The following DEF6 variants were observed in gnomAD, a reference collection of about 807,000 sequenced individuals.
DEF6 encodes DEF6 guanine nucleotide exchange factor, also known as differentially expressed in FDCP 6 homolog.
In DEF6, 32 loss-of-function variants were observed where a neutral mutation model predicts 80.5. The observed-to-expected ratio is 0.40, with a 90% CI of 0.30 to 0.53. DEF6 has a LOEUF of 0.53. DEF6 is among the 20% of genes least tolerant of loss of function. DEF6 has a pLI of 0.57. For synonymous variants in DEF6, 300 were observed against 337.9 expected (o/e 0.89, Z 1.23); for missense variants, 575 against 818.7 (o/e 0.70, Z 3.63).
chr6:35,321,615 G>A lies in DEF6; in HGVS notation c.*205G>A. On this transcript the variant is annotated 3_prime_UTR_variant, in exon 11 of 11. Transcript: ENST00000316637. ...AGCCCCAGACCATGGGAGCTGTCTG[G>A]GATGTTGATCCTTGAGAACTTGGCC... 1 of 483,994 alleles carries A rather than the reference G, an allele frequency of 2.1e-6. No homozygotes were observed. The highest frequency in any genetic ancestry group is 3.6e-6 in the Non-Finnish European group (1 of 275,786). 30.0% of individuals were successfully genotyped at this position (483,994 alleles called of 1,614,324 possible). A position where few individuals can be genotyped will look rare whatever the true frequency, so the allele number is the denominator to read the frequency against.
chr6:35,318,002 G>T lies in DEF6; in HGVS notation c.916+3G>T. 6.2e-7 allele frequency: 1 copy of T among 1,612,110 alleles called. No homozygotes were observed. Among genetic ancestry groups the T allele is most frequent in the South Asian group, 1.1e-5 (1 of 90,762 alleles). On this transcript the variant is annotated splice_donor_region_variant and intron_variant, in intron 6 of 10. Transcript: ENST00000316637. The surrounding 1 kb of genome is among the most constrained non-coding windows in gnomAD (Gnocchi z 5.1). ...CCAGCGCCAGGAGTGGACAGCTGGT[G>T]AGTGCTCGCTAGGTGGCTTGGGTCT...
At chr6:35,309,485 T>C (rs1791434714) in intron 1 of DEF6, among the ~76,000 whole-genome samples, 185 bp from the exon 2 acceptor site, 1 of 152,200 alleles carries the variant, frequency 6.6e-6, no homozygotes, top group Non-Finnish European at 1.5e-5. Flanking sequence ...GCAAATGATA[T>C]GTAAAGTACT....
chr6:35,308,452 C>T (rs945935235), intron 1 of DEF6, among the ~76,000 whole-genome samples: 15 of 151,802 alleles, frequency 9.9e-5, no homozygotes, highest in Non-Finnish European at 1.9e-4. Context: ...GTGGGCGGAT[C>T]GCCTGAGGAC....
At chr6:35,306,665 C>G (rs1215111089) in intron 1 of DEF6, among the ~76,000 whole-genome samples, 1 of 152,222 alleles carries the variant, frequency 6.6e-6, no homozygotes, top group Non-Finnish European at 1.5e-5. Context: ...TACTGAAATA[C>G]TAGTTTCATA....
intron 10 of DEF6, 35 bp from the exon 11 acceptor site, chr6:35,321,152 C>A: frequency 1.2e-6 from 2 of 1,605,484 alleles, no homozygotes; most frequent in Non-Finnish European, 1.7e-6. Flanking sequence ...CCTTTGCATG[C>A]CTTTCTCCTT....
At chr6:35,302,063 G>A (rs1344242918) in intron 1 of DEF6, among the ~76,000 whole-genome samples, 1 of 151,308 alleles carries the variant, frequency 6.6e-6, no homozygotes, top group Non-Finnish European at 1.5e-5. Flanking sequence ...TTGGAACCTA[G>A]ATTCATTTAA....
intron 5 of DEF6, chr6:35,313,401 A>G (rs1392540029): frequency 2.7e-6 from 1 of 366,350 alleles, no homozygotes; most frequent in East Asian, 9.0e-5. Flanking sequence ...ACATTCATAT[A>G]TTTTATAAAA....
Position 35,319,389 on chromosome 6 carries a change from C to G in DEF6, c.1216-135C>G. ...TCAGGCTCTCAGAAAGGGGTCAGATCAGGAAACCCCAACATGAAGGAGTTC... is the reference window on the plus strand; with the variant it reads ...TCAGGCTCTCAGAAAGGGGTCAGATGAGGAAACCCCAACATGAAGGAGTTC... On this transcript the variant is annotated intron_variant, in intron 7 of 10. Coordinates refer to ENST00000316637, the MANE Select transcript of DEF6 (RefSeq NM_022047.4). The surrounding 1 kb of genome is among the most constrained non-coding windows in gnomAD (Gnocchi z 4.5). The G allele has an allele frequency of 1.6e-6, 1 of 641,462 alleles. No homozygotes were observed. Among genetic ancestry groups the G allele is most frequent in the Non-Finnish European group, 2.7e-6 (1 of 368,266 alleles). 39.7% of individuals were successfully genotyped at this position (641,462 alleles called of 1,614,324 possible). A position where few individuals can be genotyped will look rare whatever the true frequency, so the allele number is the denominator to read the frequency against.
chr6:35,299,066 G>A (rs935529440), intron 1 of DEF6, among the ~76,000 whole-genome samples: 5 of 152,170 alleles, frequency 3.3e-5, no homozygotes, highest in Non-Finnish European at 5.9e-5. Context: ...ACTTGGATGT[G>A]AGGAACTTGA....
At position 35,318,214 on chromosome 6, in the gene DEF6, T is replaced by TC; in HGVS notation, c.961dup (p.Leu321ProfsTer93). 1 of 1,592,478 alleles carries TC rather than the reference T, an allele frequency of 6.3e-7. No homozygotes were observed. Among genetic ancestry groups the TC allele is most frequent in the Non-Finnish European group, 8.5e-7 (1 of 1,170,614 alleles). The stretch of plus-strand genomic sequence containing the variant: ...CCGGCTGCAGGCCGAGGGGAAGACG[T>TC]CCCTACACAAGGACCTGAAGCAGAA... On this transcript the variant is annotated frameshift_variant, in exon 7 of 11. Transcript: ENST00000316637. LOFTEE classifies it high-confidence loss of function. This position sits in a 1 kb window ranked among gnomAD's most constrained non-coding sequence, Gnocchi z 5.1.
intron 1 of DEF6, among the ~76,000 whole-genome samples, chr6:35,307,939 G>T (rs556849096): frequency 1.3e-5 from 2 of 152,248 alleles, no homozygotes; most frequent in African/African-American, 4.8e-5. Flanking sequence ...GCTGGTGGTG[G>T]AAGAAGCCCT....
At position 35,313,481 on chromosome 6, in the gene DEF6, C is replaced by T. The variant is rs562031546; in HGVS notation, c.807+709C>T. 95 of 319,310 alleles carry T rather than the reference C, an allele frequency of 3.0e-4. 1 individual carries two copies. Among genetic ancestry groups the T allele is most frequent in the African/African-American group, 1.7e-3 (75 of 44,138 alleles). The allele number at this position is 319,310 out of a possible 1,614,324, so 19.8% of individuals were successfully genotyped here. ...ATGCTAGAAACATTCAAATTATTCT[C>T]TTCTATTTTGAAATATACAATAGAT... On this transcript the variant is annotated intron_variant, in intron 5 of 10. Transcript: ENST00000316637.
At position 35,319,481 on chromosome 6, in the gene DEF6, C is replaced by T; in HGVS notation, c.1216-43C>T. ...CCCTCCTCCTCCGCCCCCACGTGCC[C>T]CTTTTGACCTGGCTCTTGGTCCACC... On this transcript the variant is annotated intron_variant, in intron 7 of 10. Coordinates refer to ENST00000316637, the MANE Select transcript of DEF6 (RefSeq NM_022047.4). This position sits in a 1 kb window ranked among gnomAD's most constrained non-coding sequence, Gnocchi z 4.5. The T allele has an allele frequency of 6.4e-7, 1 of 1,564,642 alleles. No individual in the cohort carries two copies. Among genetic ancestry groups the T allele is most frequent in the Non-Finnish European group, 8.7e-7 (1 of 1,151,342 alleles).
intron 9 of DEF6, among the ~76,000 whole-genome samples, chr6:35,320,222 C>G (rs889911211): frequency 6.6e-6 from 1 of 152,216 alleles, no homozygotes; most frequent in African/African-American, 2.4e-5. Context: ...TGAGATGATA[C>G]ATGATACTTA....
intron 1 of DEF6, 93 bp from the exon 2 acceptor site, chr6:35,309,577 G>A: frequency 6.9e-7 from 1 of 1,452,078 alleles, no homozygotes; most frequent in Non-Finnish European, 9.5e-7. Context: ...CAGCCAGGAT[G>A]GGGTGAGGAC....
chr6:35,297,960 G>C lies in DEF6; in HGVS notation c.96+8G>C. 6.3e-7 allele frequency: 1 copy of C among 1,588,980 alleles called. No individual in the cohort carries two copies. ...TCCAAGTCCCAGCTCAAGGTGAGGG[G>C]CACCCGGGACCCGGGGGAGGACGGC... On this transcript the variant is annotated splice_region_variant and intron_variant, in intron 1 of 10. Coordinates refer to ENST00000316637, the MANE Select transcript of DEF6 (RefSeq NM_022047.4).
chr6:35,299,876 G>T lies in DEF6; in HGVS notation c.96+1924G>T, dbSNP rs375425887. ...AGGAGGAAGTAGTGATAGTGTTGGG[G>T]GGCGGGGATTCCAGCAAAGCAAAGG... is the stretch of plus-strand genomic sequence containing the variant. On this transcript the variant is annotated intron_variant, in intron 1 of 10. Transcript: ENST00000316637. 6.6e-5 allele frequency among the ~76,000 whole-genome samples: 10 copies of T among 152,248 alleles called. No homozygotes were observed. In the East Asian group the frequency reaches 1.9e-3, roughly 29 times the overall value.
chr6:35,305,923 A>C (rs1235096952), intron 1 of DEF6, among the ~76,000 whole-genome samples: 1 of 145,430 alleles, frequency 6.9e-6, no homozygotes, highest in East Asian at 2.1e-4. Context: ...ATGGAGTTTC[A>C]CTCTTGTTGC....
At chr6:35,315,847 CTTTTTT>C (rs1159503411) in intron 5 of DEF6, among the ~76,000 whole-genome samples, 1 of 113,818 alleles carries the variant, frequency 8.8e-6, no homozygotes, top group African/African-American at 3.7e-5. Flanking sequence ...GTTGGAGTCC[CTTTTTT>C]TTTTTTTTTT....
Sources: gnomAD v4.1 joint callset for allele counts (sites outside exome capture counted in the v4.1 genomes callset) on GRCh38, gnomAD v4.1.1 for gene constraint, Gnocchi (gnomAD v3.1) non-coding constraint, MANE v1.5 for transcripts, NCBI Gene and HGNC (gene_info 2026-07-23, HGNC 2026-07-21) for gene names.